TNN: variants seen among roughly 807,000 people sequenced by gnomAD.
The protein encoded by TNN is tenascin N, also known as tenascin-N.
A neutral mutation model predicts 134.4 loss-of-function variants in TNN; 122 were observed. That is an observed-to-expected ratio of 0.91 (90% confidence interval 0.78 to 1.06). The LOEUF is 1.06. Ranked by LOEUF, TNN falls within the 50% of genes least tolerant of loss-of-function variation. The pLI is 0.00. For synonymous variants in TNN, 710 were observed against 670.3 expected (o/e 1.06, Z -0.91); for missense variants, 1,739 against 1,699.4 (o/e 1.02, Z -0.41).
chr1:175,115,985 T>C (rs1675156129), intron 9 of TNN, among the ~76,000 whole-genome samples: 1 of 152,154 alleles, frequency 6.6e-6, no homozygotes, highest in African/African-American at 2.4e-5. Flanking sequence ...CCATCCTGAG[T>C]TTCTGTGCTC....
intron 17 of TNN, among the ~76,000 whole-genome samples, chr1:175,139,461 C>G (rs1574180355): frequency 6.6e-6 from 1 of 152,132 alleles, no homozygotes; most frequent in Non-Finnish European, 1.5e-5. Context: ...TGCACAGGGT[C>G]AGGATCATCA....
At chr1:175,132,112 T>A (rs1675690108) in intron 15 of TNN, among the ~76,000 whole-genome samples, 1 of 152,080 alleles carries the variant, frequency 6.6e-6, no homozygotes, top group African/African-American at 2.4e-5. Context: ...GAGCCATACA[T>A]CGGTGCTACA....
At chr1:175,101,890 T>A (rs554686431) in intron 9 of TNN, among the ~76,000 whole-genome samples, 1 of 144,790 alleles carries the variant, frequency 6.9e-6, no homozygotes, top group African/African-American at 2.5e-5. Flanking sequence ...ATTGGTGTAT[T>A]TACAAACCTT....
Position 175,077,615 on chromosome 1 carries a change from G to A in TNN, c.197G>A (p.Ser66Asn), listed in dbSNP as rs766744231. The change falls in exon 2 of 19, where the codon AGT becomes AAT. Residue 66 changes from serine to asparagine, a missense_variant. Ser to Asn is a conservative substitution (Grantham distance 46). Transcript: ENST00000239462. ...GTTGACGCTGACCCTCAGCCCCTCA[G>A]TGACGATGGGGCTTCGCTCTTGGCC... Reference protein sequence around the residue: ...VQVDADPQPLSDDGASLLALG... With the variant: ...VQVDADPQPLNDDGASLLALG... The A allele has an allele frequency of 6.2e-7, 1 of 1,614,130 alleles. No homozygotes were observed. Among genetic ancestry groups the A allele is most frequent in the African/African-American group, 1.3e-5 (1 of 74,950 alleles).
At position 175,126,989 on chromosome 1, in the gene TNN, T is replaced by G; in HGVS notation, c.2949T>G (p.Ala983=). The change falls in exon 13 of 19, where the codon GCT becomes GCG. Residue 983 remains alanine, a synonymous_variant. Transcript: ENST00000239462. Reference sequence around the variant, plus strand: ...CTCCCAGAAACCTTCGTCCATCTGCTGTAACGCAGTCTGGTGGCATATTGA... The same window carrying G: ...CTCCCAGAAACCTTCGTCCATCTGCGGTAACGCAGTCTGGTGGCATATTGA... The part of the protein sequence containing the change: ...LDPPRNLRPS[A]VTQSGGILTW... 1 of 1,614,134 alleles carries G rather than the reference T, an allele frequency of 6.2e-7. No individual in the cohort carries two copies. The highest frequency in any genetic ancestry group is 1.1e-5 in the South Asian group (1 of 91,070).
At chr1:175,104,448 G>A (rs1179929977) in intron 9 of TNN, among the ~76,000 whole-genome samples, 4 of 145,746 alleles carry the variant, frequency 2.7e-5, no homozygotes, top group African/African-American at 9.9e-5. Context: ...CACGGATGAG[G>A]GGGCAGCTTG....
intron 11 of TNN, among the ~76,000 whole-genome samples, chr1:175,119,421 G>GT (rs1039699905): frequency 6.6e-6 from 1 of 152,132 alleles, no homozygotes; most frequent in African/African-American, 2.4e-5. Flanking sequence ...ACTGCAGGCT[G>GT]TTTTAACAGC....
chr1:175,095,383 A>G (rs2149432066), intron 7 of TNN, among the ~76,000 whole-genome samples: 1 of 152,322 alleles, frequency 6.6e-6, no homozygotes, highest in South Asian at 2.1e-4. Context: ...AGCCACAGAC[A>G]ATGATGTGTA....
chr1:175,070,011 A>G (rs1186522051), intron 1 of TNN, among the ~76,000 whole-genome samples: 1 of 152,234 alleles, frequency 6.6e-6, no homozygotes, highest in Non-Finnish European at 1.5e-5. Flanking sequence ...ATACAAAGTA[A>G]TATTTAGTCA....
At chr1:175,092,728 A>G (rs1316349796) in intron 6 of TNN, among the ~76,000 whole-genome samples, 1 of 152,114 alleles carries the variant, frequency 6.6e-6, no homozygotes, top group Non-Finnish European at 1.5e-5. Context: ...CCCACTCCCT[A>G]CTGCAAATGC....
At chr1:175,137,676 G>T (rs1021625148) in intron 17 of TNN, among the ~76,000 whole-genome samples, 12 of 152,124 alleles carry the variant, frequency 7.9e-5, no homozygotes, top group Non-Finnish European at 1.8e-4. Context: ...AGAGGGGGAG[G>T]TGTGGTCATT....
chr1:175,091,563 A>T (rs150099586), intron 6 of TNN, among the ~76,000 whole-genome samples: 52 of 104,414 alleles, frequency 5.0e-4, no homozygotes, highest in East Asian at 2.7e-3. Flanking sequence ...TATTATTTTT[A>T]TTTATTTATT....
intron 15 of TNN, among the ~76,000 whole-genome samples, chr1:175,129,295 A>G (rs1675617402): frequency 6.6e-6 from 1 of 152,134 alleles, no homozygotes; most frequent in Admixed American, 6.6e-5. Context: ...TGTTTAGTAA[A>G]CACTGTCAAT....
intron 2 of TNN, among the ~76,000 whole-genome samples, chr1:175,078,681 G>A (rs567384967): frequency 3.2e-4 from 49 of 152,312 alleles, no homozygotes; most frequent in Non-Finnish European, 6.5e-4. Context: ...GTTCTGAAAA[G>A]CAGAAGCTGG....
chr1:175,136,909 T>C lies in TNN; in HGVS notation c.3516T>C (p.Tyr1172=), dbSNP rs1675826221. The C allele has an allele frequency of 6.8e-6, 11 of 1,614,104 alleles. No homozygotes were observed. The highest frequency in any genetic ancestry group is 1.1e-5 in the South Asian group (1 of 91,084). The stretch of plus-strand genomic sequence containing the variant: ...TACAGACTGCCAATGAATCTGCCTA[T>C]GCTATATATGATTTCTTCCAAGTGG... The part of the protein sequence containing the change: ...VDLQTANESA[Y]AIYDFFQVAS... The change falls in exon 17 of 19, where the codon TAT becomes TAC. Residue 1172 remains tyrosine (Y), a synonymous_variant. Coordinates refer to ENST00000239462, the MANE Select transcript of TNN (RefSeq NM_022093.2).
In TNN at chr1:175,135,899, T is replaced by G. The variant is rs753551897; in HGVS notation, c.3385T>G (p.Tyr1129Asp). ...QLDFFKRWRSYVEGFGDPMKE... is the reference protein window; with the variant it reads ...QLDFFKRWRSDVEGFGDPMKE... Reference sequence around the variant, plus strand: ...GGATTTCTTCAAGCGATGGAGGAGCTATGTGGAAGGCTTTGGGGACCCCAT... The same window carrying G: ...GGATTTCTTCAAGCGATGGAGGAGCGATGTGGAAGGCTTTGGGGACCCCAT... Residue 1129 changes from tyrosine (Y) to aspartate (D), a missense_variant, in exon 16 of 19, where the codon TAT becomes GAT. Coordinates refer to ENST00000239462, the MANE Select transcript of TNN (RefSeq NM_022093.2). The G allele has an allele frequency of 3.1e-6, 5 of 1,613,930 alleles. No individual in the cohort carries two copies. The highest frequency in any genetic ancestry group is 3.4e-6 in the Non-Finnish European group (4 of 1,179,882).
intron 1 of TNN, among the ~76,000 whole-genome samples, chr1:175,072,161 G>A (rs975218995): frequency 6.6e-6 from 1 of 152,184 alleles, no homozygotes; most frequent in African/African-American, 2.4e-5. Flanking sequence ...GCAGCCCATG[G>A]TCAGTCGTGT....
chr1:175,129,546 C>T lies in TNN; in HGVS notation c.3330+800C>T, dbSNP rs971483755. ...TGAGTTGATCATCATCTAGTAATGC[C>T]TTATATGTATGTATTACCTATATTT... On this transcript the variant is annotated intron_variant, in intron 15 of 18. Transcript: ENST00000239462. Among the ~76,000 whole-genome samples, 11 of 151,050 alleles carry T rather than the reference C, an allele frequency of 7.3e-5. No individual in the cohort carries two copies. The East Asian group carries it at 2.1e-3, about 29-fold the overall frequency.
chr1:175,107,992 T>C (rs1674902544), intron 9 of TNN, among the ~76,000 whole-genome samples: 1 of 141,712 alleles, frequency 7.1e-6, no homozygotes, highest in Admixed American at 7.0e-5. Context: ...AGATACACAG[T>C]GTCGATTGGT....
Sources: allele counts gnomAD v4.1 joint callset (sites outside exome capture counted in the v4.1 genomes callset), GRCh38; gene constraint gnomAD v4.1.1; transcripts MANE v1.5; gene names NCBI Gene and HGNC (gene_info 2026-07-23, HGNC 2026-07-21).